ARK2N: variants seen among roughly 807,000 people sequenced by gnomAD.
ARK2N encodes the protein protein ARK2N.
the ARK2N span, among the ~76,000 whole-genome samples, chr18:46,242,655 C>T: frequency 6.6e-6 from 1 of 152,106 alleles, no homozygotes; most frequent in Non-Finnish European, 1.5e-5. Flanking sequence ...TATATTTGTA[C>T]TACATTTGTT....
At chr18:46,203,408 A>T in the ARK2N span, among the ~76,000 whole-genome samples, 1 of 152,172 alleles carries the variant, frequency 6.6e-6, no homozygotes, top group Non-Finnish European at 1.5e-5. Context: ...AGGCAAAATG[A>T]TTTGTGATAA....
At chr18:46,240,440 G>A in the ARK2N span, among the ~76,000 whole-genome samples, 1 of 152,222 alleles carries the variant, frequency 6.6e-6, no homozygotes, top group East Asian at 1.9e-4. Flanking sequence ...GTAGGTTTCA[G>A]TAGGCATATT....
chr18:46,194,805 ATT>A, the ARK2N span, among the ~76,000 whole-genome samples: 176 of 126,716 alleles, frequency 1.4e-3, 1 homozygote, highest in African/African-American at 1.5e-3. Flanking sequence ...AATTTAATTA[ATT>A]TTTTTTTTTT....
At chr18:46,254,705 C>T in the ARK2N span, among the ~76,000 whole-genome samples, 408 of 152,288 alleles carry the variant, frequency 2.7e-3, 2 homozygotes, top group Middle Eastern at 6.8e-3. Flanking sequence ...AAAGTTGAAT[C>T]GTTTCAACAA....
At chr18:46,201,812 CT>C in the ARK2N span, among the ~76,000 whole-genome samples, 1 of 147,960 alleles carries the variant, frequency 6.8e-6, no homozygotes, top group African/African-American at 2.5e-5. Context: ...GAGTCTCACT[CT>C]GTTACCCAGG....
chr18:46,233,451 C>G, the ARK2N span, among the ~76,000 whole-genome samples: 5 of 152,148 alleles, frequency 3.3e-5, no homozygotes, highest in African/African-American at 1.2e-4. Context: ...ATGGTGACCT[C>G]TTCAGGTGCC....
chr18:46,175,995 A>G, the ARK2N span, among the ~76,000 whole-genome samples: 1 of 152,206 alleles, frequency 6.6e-6, no homozygotes, highest in African/African-American at 2.4e-5. Context: ...TTTTATGGTT[A>G]TGATTAATTC....
At chr18:46,178,615 A>T in the ARK2N span, among the ~76,000 whole-genome samples, 1 of 152,194 alleles carries the variant, frequency 6.6e-6, no homozygotes, top group Non-Finnish European at 1.5e-5. Flanking sequence ...TGGCCCTGAC[A>T]TAACTTTTTA....
the ARK2N span, among the ~76,000 whole-genome samples, chr18:46,257,929 ATT>A: frequency 1.5e-3 from 214 of 144,586 alleles, no homozygotes; most frequent in Non-Finnish European, 1.3e-3. Context: ...CCAGTTGCTA[ATT>A]TTTTTTTTTT....
At chr18:46,246,949 A>G in the ARK2N span, among the ~76,000 whole-genome samples, 328 of 151,910 alleles carry the variant, frequency 2.2e-3, 1 homozygote, top group African/African-American at 7.4e-3. Context: ...TTCAAAAAAA[A>G]AAAAAAAAAT....
the ARK2N span, among the ~76,000 whole-genome samples, chr18:46,227,360 A>G: frequency 6.6e-6 from 1 of 152,170 alleles, no homozygotes; most frequent in Non-Finnish European, 1.5e-5. Flanking sequence ...CTATATCCAC[A>G]TATTTGTAAC....
chr18:46,207,509 C>A, the ARK2N span, among the ~76,000 whole-genome samples: 1 of 151,536 alleles, frequency 6.6e-6, no homozygotes. Context: ...CCCGTCTCAG[C>A]CTCCCGAGTA....
chr18:46,223,314 TA>T, the ARK2N span, among the ~76,000 whole-genome samples: 3 of 152,162 alleles, frequency 2.0e-5, no homozygotes, highest in Admixed American at 1.3e-4. Flanking sequence ...AAAACTTTTT[TA>T]AAAAGTGAAA....
chr18:46,237,170 G>A, the ARK2N span, among the ~76,000 whole-genome samples: 5 of 151,948 alleles, frequency 3.3e-5, no homozygotes, highest in Admixed American at 1.3e-4. Context: ...GTCAGCTTCT[G>A]TTAATAATGT....
chr18:46,182,991 G>T, the ARK2N span, among the ~76,000 whole-genome samples: 1 of 151,618 alleles, frequency 6.6e-6, no homozygotes, highest in Admixed American at 6.6e-5. Flanking sequence ...TAATATTAGA[G>T]TTCCCTTTCT....
the ARK2N span, among the ~76,000 whole-genome samples, chr18:46,205,860 G>A: frequency 6.6e-6 from 1 of 151,442 alleles, no homozygotes; most frequent in Non-Finnish European, 1.5e-5. Context: ...CTAGTAGCTG[G>A]TACTACAGGC....
At chr18:46,201,175 A>G in the ARK2N span, among the ~76,000 whole-genome samples, 2,150 of 151,534 alleles carry the variant, frequency 0.014, 57 homozygotes, top group African/African-American at 0.049. Flanking sequence ...TAGATATAGG[A>G]TCTCCTTATA....
chr18:46,176,725 C>G, the ARK2N span, among the ~76,000 whole-genome samples: 3 of 151,910 alleles, frequency 2.0e-5, no homozygotes, highest in Non-Finnish European at 4.4e-5. Context: ...TCAAGCGATT[C>G]TCTTGCCTCA....
chr18:46,219,852 G>T, the ARK2N span, among the ~76,000 whole-genome samples: 1 of 152,084 alleles, frequency 6.6e-6, no homozygotes, highest in East Asian at 1.9e-4. Context: ...TACTGTTCAT[G>T]GGGGGTCAGT....
Sources: allele counts gnomAD v4.1 joint callset (sites outside exome capture counted in the v4.1 genomes callset), GRCh38; gene constraint gnomAD v4.1.1; transcripts MANE v1.5; gene names NCBI Gene and HGNC (gene_info 2026-07-23, HGNC 2026-07-21).